Variants in CEP350 observed in about 807,000 individuals in gnomAD.
CEP350 encodes the protein centrosome-associated protein 350.
In CEP350, 126 loss-of-function variants were observed where a neutral mutation model predicts 331.8. The ratio of observed to expected loss-of-function variants is 0.38; its 90% CI spans 0.33 to 0.44. The LOEUF is 0.44. Ranked by LOEUF, CEP350 falls within the 20% of genes least tolerant of loss-of-function variation. CEP350 has a pLI of 1.00. For synonymous variants in CEP350, 1,200 were observed against 1,259.5 expected (o/e 0.95, Z 1.00); for missense variants, 3,406 against 3,634.6 (o/e 0.94, Z 1.62).
At chr1:179,983,432 G>A (rs558869412) in intron 1 of CEP350, among the ~76,000 whole-genome samples, 98 of 151,600 alleles carry the variant, frequency 6.5e-4, no homozygotes, top group African/African-American at 2.3e-3. Flanking sequence ...ACAGGGTTTC[G>A]CCATGTTGGC....
chr1:179,955,728 C>T (rs1368722705), intron 1 of CEP350, among the ~76,000 whole-genome samples: 2 of 152,216 alleles, frequency 1.3e-5, no homozygotes, highest in Non-Finnish European at 2.9e-5. Context: ...TAGCTAATGT[C>T]ACAAGATATG....
intron 1 of CEP350, 43 bp downstream of exon 1, chr1:179,955,185 C>A (rs1217947186): frequency 5.2e-6 from 7 of 1,337,392 alleles, no homozygotes; most frequent in Non-Finnish European, 6.8e-6. Context: ...GAGTCTCGCT[C>A]AGCCTCAACT....
intron 14 of CEP350, among the ~76,000 whole-genome samples, chr1:180,031,028 G>C (rs1288643259): frequency 1.1e-4 from 16 of 151,866 alleles, no homozygotes; most frequent in Non-Finnish European, 1.9e-4. Context: ...CATAGGGATA[G>C]ATTAGTATTT....
At chr1:179,969,880 T>G (rs534378454) in intron 1 of CEP350, among the ~76,000 whole-genome samples, 1 of 152,310 alleles carries the variant, frequency 6.6e-6, no homozygotes, top group East Asian at 1.9e-4. Flanking sequence ...TAACACTTTC[T>G]TATGTATAAG....
intron 26 of CEP350, among the ~76,000 whole-genome samples, chr1:180,064,718 G>A (rs1658441483): frequency 6.6e-6 from 1 of 151,866 alleles, no homozygotes; most frequent in Non-Finnish European, 1.5e-5. Context: ...GTCATTCTTT[G>A]TGTCTGTACA....
intron 31 of CEP350, 114 bp downstream of exon 31, chr1:180,084,292 G>A: frequency 1.0e-6 from 1 of 987,098 alleles, no homozygotes; most frequent in Non-Finnish European, 1.4e-6. Flanking sequence ...TATTAGTGTG[G>A]TGCCACATTT....
In CEP350 at chr1:180,113,732, C is replaced by T. The variant is rs1661555458; in HGVS notation, c.*2571C>T. The T allele has an allele frequency of 6.6e-6, 1 of 152,212 alleles. No individual in the cohort carries two copies. The highest frequency in any genetic ancestry group is 6.6e-5 in the Admixed American group (1 of 15,264). The allele number at this position is 152,212 out of a possible 1,614,324, so 9.4% of individuals were successfully genotyped here. A position where few individuals can be genotyped will look rare whatever the true frequency, so the allele number is the denominator to read the frequency against. On this transcript the variant is annotated 3_prime_UTR_variant, in exon 38 of 38. Coordinates refer to ENST00000367607, the MANE Select transcript of CEP350 (RefSeq NM_014810.5). The stretch of plus-strand genomic sequence containing the variant: ...ATCAGCTCTGCCTCTTAATCAAGAA[C>T]CTAAATATTCCCTCTTTCTAATCTT...
At chr1:180,110,947 A>G (rs1378292730) in intron 37 of CEP350, 50 bp from the exon 38 acceptor site, 5 of 1,503,902 alleles carry the variant, frequency 3.3e-6, no homozygotes, top group African/African-American at 1.4e-5. Flanking sequence ...TATATTTTCT[A>G]GCTTTTGTAT....
Position 180,092,947 on chromosome 1 carries a change from CTGA to C in CEP350, c.6845_6847del (p.Asp2282del). On this transcript the variant is annotated inframe_deletion, in exon 34 of 38. Coordinates refer to ENST00000367607, the MANE Select transcript of CEP350 (RefSeq NM_014810.5). The stretch of plus-strand genomic sequence containing the variant: ...GATGCCTTTTCTAAAGAAGGTAAAT[CTGA>C]TGTCTTACTGAAATTAGTCCTAGAA... 2.5e-6 allele frequency: 4 copies of C among 1,593,284 alleles called. No individual in the cohort carries two copies. The highest frequency in any genetic ancestry group is 2.6e-6 in the Non-Finnish European group (3 of 1,168,228).
At chr1:179,956,691 AAAG>A (rs1176147950) in intron 1 of CEP350, among the ~76,000 whole-genome samples, 1 of 152,180 alleles carries the variant, frequency 6.6e-6, no homozygotes, top group Admixed American at 6.5e-5. Flanking sequence ...TGGGAGCAAA[AAAG>A]AAGTCTAAAA....
rs755883932 is a variant in CEP350, at chr1:179,997,193, A to G, written c.1018+18A>G. 13 of 1,593,338 alleles carry G rather than the reference A, an allele frequency of 8.2e-6. No homozygotes were observed. In the East Asian group the frequency reaches 1.8e-4, roughly 22 times the overall value. On this transcript the variant is annotated intron_variant, in intron 6 of 37. Transcript: ENST00000367607. ...ATATAAAGGTTTGTAATCAGTCTTTATATCTTCCTCTCCCTGCTTCTTTGT... is the reference window on the plus strand; with the variant it reads ...ATATAAAGGTTTGTAATCAGTCTTTGTATCTTCCTCTCCCTGCTTCTTTGT...
chr1:180,023,655 G>A (rs1056463945), intron 13 of CEP350, among the ~76,000 whole-genome samples: 1 of 152,156 alleles, frequency 6.6e-6, no homozygotes, highest in Non-Finnish European at 1.5e-5. Flanking sequence ...ATAGCCTGAT[G>A]TGGAAAGTAT....
intron 16 of CEP350, among the ~76,000 whole-genome samples, chr1:180,036,403 G>GAGA (rs1656358033): frequency 6.6e-6 from 1 of 152,196 alleles, no homozygotes; most frequent in Non-Finnish European, 1.5e-5. Flanking sequence ...ACATGCTCCA[G>GAGA]AGAAATCTTT....
chr1:179,992,301 GTT>G, intron 5 of CEP350, 80 bp downstream of exon 5: 1 of 1,160,594 alleles, frequency 8.6e-7, no homozygotes, highest in Non-Finnish European at 1.1e-6. Context: ...TGTTTTCTGA[GTT>G]TTTTATAGCA....
intron 25 of CEP350, among the ~76,000 whole-genome samples, chr1:180,060,076 C>T (rs192212420): frequency 1.2e-3 from 187 of 152,148 alleles, no homozygotes; most frequent in Middle Eastern, 0.01. Context: ...AATATAGTTA[C>T]TTTCTTTAAA....
chr1:180,085,887 A>G (rs1659832434), intron 31 of CEP350: 1 of 152,216 alleles, frequency 6.6e-6, no homozygotes, highest in African/African-American at 2.4e-5. Flanking sequence ...CCAGGAGCTC[A>G]GCTAATTACA....
chr1:180,094,408 A>G lies in CEP350; in HGVS notation c.8303A>G (p.Asn2768Ser), dbSNP rs1264760283. The G allele has an allele frequency of 2.5e-6, 4 of 1,613,704 alleles. No homozygotes were observed. Among genetic ancestry groups the G allele is most frequent in the African/African-American group, 2.7e-5 (2 of 74,924 alleles). ...AAAGTCTTTGTAAAGGACACAGTCA[A>G]TCAACTACAACAAATCAAAAAAACC... ...LLKVFVKDTV[N>S]QLQQIKKTRD... The change falls in exon 34 of 38, where the codon AAT becomes AGT. Residue 2768 changes from asparagine to serine, a missense_variant. Coordinates refer to ENST00000367607, the MANE Select transcript of CEP350 (RefSeq NM_014810.5).
At chr1:180,110,717 C>G (rs1465404284) in intron 37 of CEP350, among the ~76,000 whole-genome samples, 1 of 152,078 alleles carries the variant, frequency 6.6e-6, no homozygotes, top group Non-Finnish European at 1.5e-5. Flanking sequence ...TACATATTCC[C>G]TTACGTTGAC....
At chr1:180,037,399 AGAATACT>A (rs1024135530) in intron 17 of CEP350, among the ~76,000 whole-genome samples, 1 of 150,948 alleles carries the variant, frequency 6.6e-6, no homozygotes, top group African/African-American at 2.4e-5. Flanking sequence ...GATAGGTGAG[AGAATACT>A]GAGGGTTTTT....
Sources: allele counts gnomAD v4.1 joint callset (sites outside exome capture counted in the v4.1 genomes callset), GRCh38; gene constraint gnomAD v4.1.1; transcripts MANE v1.5; gene names NCBI Gene and HGNC (gene_info 2026-07-23, HGNC 2026-07-21).